ATP10B: variants seen among roughly 807,000 people sequenced by gnomAD.
ATP10B encodes ATPase phospholipid transporting 10B (putative).
Under a neutral mutation model 141.2 loss-of-function variants are expected in ATP10B, and 122 were observed. That is an observed-to-expected ratio of 0.86 (90% CI 0.75 to 1.00). ATP10B has a LOEUF of 1.00. ATP10B is among the 50% of genes least tolerant of loss of function. ATP10B has a pLI of 0.00. For missense variants in ATP10B, 1,876 were observed against 1,825.3 expected (o/e 1.03, Z -0.51); for synonymous variants, 685 against 692.0 (o/e 0.99, Z 0.16).
intron 22 of ATP10B, 84 bp from the exon 23 acceptor site, chr5:160,591,223 G>T: frequency 2.7e-6 from 3 of 1,117,238 alleles, no homozygotes; most frequent in Non-Finnish European, 4.0e-6. Context: ...ATGTGGCTGC[G>T]ACAGACAACC....
chr5:160,785,168 C>A (rs1178755600), intron 2 of ATP10B, among the ~76,000 whole-genome samples: 1 of 152,144 alleles, frequency 6.6e-6, no homozygotes, highest in Admixed American at 6.6e-5. Context: ...CATTGACAAT[C>A]TATGGACCTC....
At chr5:160,652,705 CATAT>C (rs1431611242) in intron 7 of ATP10B, among the ~76,000 whole-genome samples, 1 of 122,400 alleles carries the variant, frequency 8.2e-6, no homozygotes, top group Non-Finnish European at 1.6e-5. Context: ...ATAATATATA[CATAT>C]ATAATTTATA....
chr5:160,850,173 C>T (rs1199515652), intron 1 of ATP10B, among the ~76,000 whole-genome samples: 1 of 152,060 alleles, frequency 6.6e-6, no homozygotes, highest in Non-Finnish European at 1.5e-5. Context: ...CTTTGGGAGG[C>T]TGTGGGCGGA....
At chr5:160,854,338 C>A (rs1753945736), upstream of ATP10B, among the ~76,000 whole-genome samples, 1 of 152,098 alleles carries the variant, frequency 6.6e-6, no homozygotes, top group Non-Finnish European at 1.5e-5. Context: ...GCCCCCCAAC[C>A]CCTGACAGGC....
intron 24 of ATP10B, among the ~76,000 whole-genome samples, chr5:160,588,985 C>T (rs546657822): frequency 2.4e-4 from 36 of 152,140 alleles, no homozygotes; most frequent in African/African-American, 8.2e-4. Context: ...CAGTGTTTTC[C>T]TTGTCTCTGA....
rs537899810 is a variant in ATP10B at position 160,716,972 on chromosome 5, G to A, written c.-268C>T. On this transcript the variant is annotated 5_prime_UTR_variant, in exon 3 of 26. Coordinates refer to ENST00000327245, the MANE Select transcript of ATP10B (RefSeq NM_025153.3). ...CCTTTGCTGTGCCCCTACAGCCACAGGAAGAGGGGGCAGATGTAGTACTTT... is the reference window on the plus strand; with the variant it reads ...CCTTTGCTGTGCCCCTACAGCCACAAGAAGAGGGGGCAGATGTAGTACTTT... The A allele has an allele frequency of 1.3e-5, 13 of 985,426 alleles. No individual in the cohort carries two copies. In the East Asian group the frequency reaches 1.2e-3, roughly 95 times the overall value. 61.0% of individuals were successfully genotyped at this position (985,426 alleles called of 1,614,324 possible). A position where few individuals can be genotyped will look rare whatever the true frequency, so the allele number is the denominator to read the frequency against.
intron 2 of ATP10B, among the ~76,000 whole-genome samples, chr5:160,746,268 G>T (rs908810610): frequency 3.3e-5 from 5 of 152,212 alleles, no homozygotes; most frequent in South Asian, 2.1e-4. Flanking sequence ...TGGAGCCCTG[G>T]TGGGGGTTAT....
chr5:160,750,013 A>G (rs1209651343), intron 2 of ATP10B, among the ~76,000 whole-genome samples: 2 of 152,210 alleles, frequency 1.3e-5, no homozygotes, highest in African/African-American at 4.8e-5. Flanking sequence ...TTTTACGGGT[A>G]TGGCTCACCT....
chr5:160,644,287 T>G, intron 8 of ATP10B, 43 bp from the exon 9 acceptor site: 2 of 1,393,582 alleles, frequency 1.4e-6, no homozygotes, highest in Non-Finnish European at 2.0e-6. Flanking sequence ...TTGGTGGCCT[T>G]TCCTTGCTGT....
intron 2 of ATP10B, among the ~76,000 whole-genome samples, chr5:160,774,661 ATTGC>A (rs1770154681): frequency 6.6e-6 from 1 of 152,140 alleles, no homozygotes; most frequent in Non-Finnish European, 1.5e-5. Context: ...CGAAGGACTT[ATTGC>A]TTTAGATTTC....
At chr5:160,587,039 G>C (rs1755954565) in intron 24 of ATP10B, among the ~76,000 whole-genome samples, 1 of 152,158 alleles carries the variant, frequency 6.6e-6, no homozygotes, top group African/African-American at 2.4e-5. Context: ...CCTATGTCCT[G>C]AATGGTATTG....
At chr5:160,817,324 A>G (rs1773713511) in intron 1 of ATP10B, among the ~76,000 whole-genome samples, 1 of 152,132 alleles carries the variant, frequency 6.6e-6, no homozygotes, top group Non-Finnish European at 1.5e-5. Flanking sequence ...AAAATTGATG[A>G]GCAAAAATCA....
intron 1 of ATP10B, among the ~76,000 whole-genome samples, chr5:160,844,422 G>A (rs1775994111): frequency 6.6e-6 from 1 of 152,058 alleles, no homozygotes; most frequent in Non-Finnish European, 1.5e-5. Flanking sequence ...CTCATAATGA[G>A]ATTTCTCAAA....
At chr5:160,865,813 T>G in the ATP10B span, among the ~76,000 whole-genome samples, 1 of 152,092 alleles carries the variant, frequency 6.6e-6, no homozygotes, top group Admixed American at 6.6e-5. Context: ...ACATTAAAAA[T>G]GCTGAACATC....
chr5:160,864,930 A>C, the ATP10B span, among the ~76,000 whole-genome samples: 2 of 152,104 alleles, frequency 1.3e-5, no homozygotes, highest in Non-Finnish European at 2.9e-5. Context: ...ATAATAGGTG[A>C]CACAAATGGA....
intron 25 of ATP10B, among the ~76,000 whole-genome samples, 157 bp from the exon 26 acceptor site, chr5:160,566,057 C>G (rs538085613): frequency 1.3e-5 from 2 of 152,172 alleles, no homozygotes; most frequent in Non-Finnish European, 2.9e-5. Context: ...TCTTGGGTAG[C>G]TCAACAACAA....
At chr5:160,882,314 G>A in the ATP10B span, among the ~76,000 whole-genome samples, 1 of 152,184 alleles carries the variant, frequency 6.6e-6, no homozygotes, top group Non-Finnish European at 1.5e-5. Flanking sequence ...TGCCATTCTG[G>A]TGGGGGATGT....
chr5:160,878,544 TTAAAC>T, the ATP10B span, among the ~76,000 whole-genome samples: 1 of 151,986 alleles, frequency 6.6e-6, no homozygotes, highest in Non-Finnish European at 1.5e-5. Flanking sequence ...TGGGATCTAA[TTAAAC>T]TAAAGAGCTT....
At chr5:160,916,999 C>T in the ATP10B span, among the ~76,000 whole-genome samples, 5 of 152,218 alleles carry the variant, frequency 3.3e-5, no homozygotes, top group Admixed American at 2.6e-4. Flanking sequence ...TGCAAGTGTA[C>T]GTGTGTGCAA....
Sources: allele counts gnomAD v4.1 joint callset (sites outside exome capture counted in the v4.1 genomes callset), GRCh38; gene constraint gnomAD v4.1.1; transcripts MANE v1.5; gene names NCBI Gene and HGNC (gene_info 2026-07-23, HGNC 2026-07-21).